LCP2: variants seen among roughly 807,000 people sequenced by gnomAD.
LCP2 encodes the protein 76 kDa tyrosine phosphoprotein.
LCP2 carries 29 observed loss-of-function variants against 74.5 expected under a neutral mutation model. The observed-to-expected ratio is 0.39, with a 90% CI of 0.29 to 0.53. The LOEUF (loss-of-function observed/expected upper bound fraction) is 0.53. Ranked by LOEUF, LCP2 falls within the 20% of genes least tolerant of loss-of-function variation. LCP2 has a pLI of 0.72. For synonymous variants in LCP2, 228 were observed against 229.5 expected (o/e 0.99, Z 0.06); for missense variants, 604 against 634.6 (o/e 0.95, Z 0.52).
intron 6 of LCP2, among the ~76,000 whole-genome samples, chr5:170,272,693 A>T: frequency 7.8e-6 from 1 of 128,892 alleles, no homozygotes; most frequent in African/African-American, 3.0e-5. Flanking sequence ...GCTTACTGCA[A>T]CCTCCACCTC....
At chr5:170,282,786 T>G (rs758544669) in intron 3 of LCP2, among the ~76,000 whole-genome samples, 15 of 152,230 alleles carry the variant, frequency 9.9e-5, no homozygotes, top group Non-Finnish European at 2.1e-4. Flanking sequence ...TGAGCTAGCT[T>G]GCCCTCAAGT....
intron 19 of LCP2, 70 bp downstream of exon 19, chr5:170,252,364 C>T: frequency 1.2e-6 from 1 of 869,492 alleles, no homozygotes. Context: ...AATTGGTACT[C>T]AGGACAGGTC....
chr5:170,286,176 G>A (rs780659411), intron 3 of LCP2, among the ~76,000 whole-genome samples: 1 of 152,324 alleles, frequency 6.6e-6, no homozygotes, highest in East Asian at 1.9e-4. Context: ...ACCTTAGGAC[G>A]ATCCCTCAGG....
intron 8 of LCP2, among the ~76,000 whole-genome samples, chr5:170,267,648 C>T (rs1183150510): frequency 1.3e-5 from 2 of 151,032 alleles, no homozygotes; most frequent in African/African-American, 2.4e-5. Context: ...CTCAAATGAT[C>T]TCTTTCAGAC....
chr5:170,252,326 A>G (rs979012834), intron 19 of LCP2, 108 bp downstream of exon 19: 10 of 608,698 alleles, frequency 1.6e-5, no homozygotes, highest in African/African-American at 1.5e-4. Context: ...ACAGAAAGCA[A>G]CAGCACCTAG....
intron 6 of LCP2, among the ~76,000 whole-genome samples, chr5:170,272,257 T>G (rs962715045): frequency 6.6e-6 from 1 of 152,216 alleles, no homozygotes; most frequent in Non-Finnish European, 1.5e-5. Flanking sequence ...ACAATTATTT[T>G]CTCCCAATCA....
chr5:170,281,523 G>A (rs113524917), intron 3 of LCP2, among the ~76,000 whole-genome samples: 2,714 of 152,226 alleles, frequency 0.018, 34 homozygotes, highest in Non-Finnish European at 0.024. Context: ...CTTGTGATCC[G>A]CCCGCCTTGG....
intron 10 of LCP2, among the ~76,000 whole-genome samples, chr5:170,265,041 G>A (rs1761726898): frequency 7.0e-6 from 1 of 142,746 alleles, no homozygotes; most frequent in Admixed American, 7.2e-5. Context: ...AGGCTGGAGT[G>A]CAGTGGCATG....
chr5:170,294,597 T>G (rs925596918), intron 1 of LCP2, among the ~76,000 whole-genome samples: 2 of 152,238 alleles, frequency 1.3e-5, no homozygotes, highest in African/African-American at 4.8e-5. Context: ...AGCCATATTT[T>G]TATCTTATAG....
chr5:170,268,871 G>GTACACATGCATGCA (rs1761828143), intron 7 of LCP2, among the ~76,000 whole-genome samples: 1 of 47,142 alleles, frequency 2.1e-5, no homozygotes, highest in African/African-American at 7.4e-5. Context: ...ATACACATGT[G>GTACACATGCATGCA]CACACATGCA....
chr5:170,270,733 T>C lies in LCP2; in HGVS notation c.509A>G (p.Asn170Ser), dbSNP rs919407303. Residue 170 changes from asparagine to serine, a missense_variant, in exon 7 of 21, where the codon AAC becomes AGC. Asn to Ser is a conservative substitution (Grantham distance 46, BLOSUM62 1). Coordinates refer to ENST00000046794, the MANE Select transcript of LCP2 (RefSeq NM_005565.5). Reference sequence around the variant, plus strand: ...CGGGCCCTTACCGATGTACATGGAGTTGGAGTTGGGGAAAGGCTTGGCAGG... The same window carrying C: ...CGGGCCCTTACCGATGTACATGGAGCTGGAGTTGGGGAAAGGCTTGGCAGG... ...ILPAKPFPNS[N>S]SMYIDRPPSG... 2.5e-6 allele frequency: 4 copies of C among 1,583,704 alleles called. No homozygotes were observed. The highest frequency in any genetic ancestry group is 1.7e-4 in the Middle Eastern group (1 of 5,854).
intron 1 of LCP2, among the ~76,000 whole-genome samples, chr5:170,294,503 A>G (rs1762338822): frequency 6.6e-6 from 1 of 152,168 alleles, no homozygotes. Flanking sequence ...TTTGAGGTTA[A>G]ATGTTTCTCC....
intron 13 of LCP2, 69 bp from the exon 14 acceptor site, chr5:170,261,206 A>C: frequency 1.7e-6 from 2 of 1,207,322 alleles, no homozygotes; most frequent in Non-Finnish European, 2.4e-6. Flanking sequence ...CTTAGAATAC[A>C]GTTTTGCTTC....
chr5:170,297,166 C>T (rs1050578604), intron 1 of LCP2, among the ~76,000 whole-genome samples: 1 of 152,170 alleles, frequency 6.6e-6, no homozygotes, highest in Non-Finnish European at 1.5e-5. Context: ...CATGTAGTCC[C>T]TAGGGCTTCG....
intron 6 of LCP2, 72 bp from the exon 7 acceptor site, chr5:170,270,989 T>A: frequency 7.5e-7 from 1 of 1,326,458 alleles, no homozygotes; most frequent in Non-Finnish European, 1.0e-6. Flanking sequence ...GTGCCTACTC[T>A]CTCCCTGCCA....
chr5:170,270,106 G>A (rs1561971665), intron 7 of LCP2, among the ~76,000 whole-genome samples: 1 of 152,164 alleles, frequency 6.6e-6, no homozygotes, highest in Non-Finnish European at 1.5e-5. Context: ...AGCCCCAGGA[G>A]GCAGGGGCTA....
At chr5:170,278,565 C>T (rs1762049856) in intron 3 of LCP2, among the ~76,000 whole-genome samples, 1 of 151,240 alleles carries the variant, frequency 6.6e-6, no homozygotes, top group Non-Finnish European at 1.5e-5. Flanking sequence ...AATGATCAGG[C>T]CTCACTGAAG....
intron 20 of LCP2, 85 bp from the exon 21 acceptor site, chr5:170,248,904 A>C: frequency 7.5e-7 from 1 of 1,331,264 alleles, no homozygotes; most frequent in Non-Finnish European, 1.1e-6. Flanking sequence ...TGCATAATAT[A>C]TGCTGCCTCT....
chr5:170,268,436 G>C lies in LCP2; in HGVS notation c.570C>G (p.Pro190=), dbSNP rs56325561. 12,815 of 479,148 alleles carry C rather than the reference G, an allele frequency of 0.027. 434 individuals are homozygous for C. Among genetic ancestry groups the C allele is most frequent in the South Asian group, 0.07 (1,145 of 16,446 alleles). 29.7% of individuals were successfully genotyped at this position (479,148 alleles called of 1,614,324 possible). A position where few individuals can be genotyped will look rare whatever the true frequency, so the allele number is the denominator to read the frequency against. Residue 190 remains proline, a synonymous_variant, in exon 8 of 21, where the codon CCC becomes CCG. Coordinates refer to ENST00000046794, the MANE Select transcript of LCP2 (RefSeq NM_005565.5). ...GKTPQQPPVP[P]QRPMAALPPP... is the part of the protein sequence containing the mutation. ...GCGGGAGGGCGGCCATCGGTCTCTGGGGGGGCACAGGAGGCTGCTGGGGGG... is the reference window on the plus strand; with the variant it reads ...GCGGGAGGGCGGCCATCGGTCTCTGCGGGGGCACAGGAGGCTGCTGGGGGG...
Sources: gnomAD v4.1 joint callset for allele counts (sites outside exome capture counted in the v4.1 genomes callset) on GRCh38, gnomAD v4.1.1 for gene constraint, MANE v1.5 for transcripts, NCBI Gene and HGNC (gene_info 2026-07-23, HGNC 2026-07-21) for gene names.